Variants in WNT11 observed in about 807,000 individuals in gnomAD.
WNT11 encodes protein Wnt-11.
Under a neutral mutation model 35.6 loss-of-function variants are expected in WNT11, and 20 were observed. That is an observed-to-expected ratio of 0.56 (90% confidence interval 0.40 to 0.82). The LOEUF is 0.82. Among genes scored for constraint, WNT11 ranks in the 40% least tolerant of loss-of-function variants. WNT11 has a pLI of 0.00. For missense variants in WNT11, 459 were observed against 504.4 expected (o/e 0.91, Z 0.86); for synonymous variants, 200 against 211.9 (o/e 0.94, Z 0.49).
chr11:76,210,721 G>T, upstream of WNT11: 2 of 966,204 alleles, frequency 2.1e-6, no homozygotes, highest in Middle Eastern at 5.3e-4. Flanking sequence ...GCCTGTGCTC[G>T]CCGCTCGCCC....
chr11:76,201,483 C>T (rs117793339), intron 1 of WNT11, among the ~76,000 whole-genome samples: 1 of 152,262 alleles, frequency 6.6e-6, no homozygotes, highest in Non-Finnish European at 1.5e-5. Flanking sequence ...GGACATCTTG[C>T]TCGCTTCACT....
chr11:76,203,990 AGTCTCT>A (rs1434011898), intron 1 of WNT11, among the ~76,000 whole-genome samples: 2 of 152,158 alleles, frequency 1.3e-5, no homozygotes, highest in Non-Finnish European at 2.9e-5. Flanking sequence ...TGTGTGCCCC[AGTCTCT>A]GTTTCCTCTT....
Position 76,191,702 on chromosome 11 carries a change from G to A in WNT11, c.752C>T (p.Pro251Leu). 1 of 1,613,912 alleles carries A rather than the reference G, an allele frequency of 6.2e-7. No homozygotes were observed. Among genetic ancestry groups the A allele is most frequent in the South Asian group, 1.1e-5 (1 of 91,090 alleles). ...CACCAGGTGCTTGCGGGTGCCCATG[G>A]GTCGGTGCACTACCTTGGTGGCCGA... Reference protein sequence around the residue: ...YLSATKVVHRPMGTRKHLVPK... With the variant: ...YLSATKVVHRLMGTRKHLVPK... The change falls in exon 4 of 5, where the codon CCC becomes CTC. Residue 251 changes from proline (P) to leucine (L), a missense_variant. Physicochemically the swap from Pro to Leu is moderately conservative, Grantham distance 98. Coordinates refer to ENST00000322563, the MANE Select transcript of WNT11 (RefSeq NM_004626.3).
At chr11:76,210,653 G>T (rs1401561295), upstream of WNT11, 1 of 985,130 alleles carries the variant, frequency 1.0e-6, no homozygotes, top group Non-Finnish European at 1.2e-6. Context: ...GCCGGCTCAG[G>T]ACCCGCGCGG....
rs1248422807 is a variant in WNT11 at position 76,187,049 on chromosome 11, G to C, written c.*16C>G. On this transcript the variant is annotated 3_prime_UTR_variant, in exon 5 of 5. Transcript: ENST00000322563. ...GAGCAGAGTCCTCGCTCCTGCGTGG[G>C]GCGGAGGGCAGGGCCTCACTTGCAG... 6 of 1,607,750 alleles carry C rather than the reference G, an allele frequency of 3.7e-6. No homozygotes were observed. The highest frequency in any genetic ancestry group is 3.3e-4 in the Middle Eastern group (2 of 6,060).
chr11:76,210,126 C>G (rs924939538), upstream of WNT11, among the ~76,000 whole-genome samples: 3 of 151,638 alleles, frequency 2.0e-5, no homozygotes, highest in South Asian at 2.1e-4. Context: ...TGACCTCATC[C>G]GCCGAACGAC....
intron 1 of WNT11, among the ~76,000 whole-genome samples, chr11:76,200,617 C>T (rs942904556): frequency 1.5e-4 from 23 of 152,192 alleles, no homozygotes; most frequent in African/African-American, 4.6e-4. Context: ...GTCCAGCACC[C>T]GCCAGCAGGC....
chr11:76,198,737 T>A (rs1953327699), intron 1 of WNT11, among the ~76,000 whole-genome samples: 2 of 152,180 alleles, frequency 1.3e-5, no homozygotes, highest in Non-Finnish European at 2.9e-5. Context: ...CTGTTCTCAC[T>A]CCTGGCCTAG....
chr11:76,187,070 T>C lies in WNT11; in HGVS notation c.1060A>G (p.Lys354Glu). ...GTGGGGCGGAGGGCAGGGCCTCACT[T>C]GCAGACATAGCGCTCCACGGTACGC... ...CERTVERYVC[K>E] The change falls in exon 5 of 5, where the codon AAG (lysine) becomes GAG (glutamate). Residue 354 changes from lysine to glutamate, a missense_variant. Lys to Glu is a moderately conservative substitution (Grantham distance 56). Transcript: ENST00000322563. The C allele has an allele frequency of 6.2e-7, 1 of 1,610,350 alleles. No homozygotes were observed. Among genetic ancestry groups the C allele is most frequent in the Non-Finnish European group, 8.5e-7 (1 of 1,179,956 alleles).
In WNT11 at chr11:76,194,531, C is replaced by A. The variant is rs1330514491; in HGVS notation, c.597+36G>T. 4.1e-6 allele frequency: 6 copies of A among 1,447,492 alleles called. No individual in the cohort carries two copies. The highest frequency in any genetic ancestry group is 5.5e-6 in the Non-Finnish European group (6 of 1,085,200). 89.7% of individuals were successfully genotyped at this position (1,447,492 alleles called of 1,614,324 possible). ...GCCCTTTTCTGGCCAATGGCACAAG[C>A]ACAACTATCTGGGGGTGGGTGGGGT... On this transcript the variant is annotated intron_variant, in intron 3 of 4. Transcript: ENST00000322563. This position sits in a 1 kb window ranked among gnomAD's most constrained non-coding sequence, Gnocchi z 5.4.
chr11:76,199,670 G>A (rs2134591751), intron 1 of WNT11, among the ~76,000 whole-genome samples: 1 of 152,202 alleles, frequency 6.6e-6, no homozygotes, highest in African/African-American at 2.4e-5. Flanking sequence ...GGGCGTGGTG[G>A]TGCGCGCCTG....
intron 2 of WNT11, among the ~76,000 whole-genome samples, chr11:76,196,031 G>T (rs745421885): frequency 6.6e-6 from 1 of 152,128 alleles, no homozygotes; most frequent in African/African-American, 2.4e-5. Flanking sequence ...ACTGCTTTGC[G>T]CATGGTGCAA....
At chr11:76,190,577 T>C (rs1350754606) in intron 4 of WNT11, 1 of 152,172 alleles carries the variant, frequency 6.6e-6, no homozygotes, top group Non-Finnish European at 1.5e-5. Flanking sequence ...GCACCAACTA[T>C]GTGCCAGACA....
At chr11:76,187,653 T>G (rs924802203) in intron 4 of WNT11, among the ~76,000 whole-genome samples, 23 of 149,808 alleles carry the variant, frequency 1.5e-4, no homozygotes, top group Admixed American at 6.0e-4. Context: ...GTCCGGCTAA[T>G]TTTTTATTTT....
At chr11:76,202,076 C>T (rs1286500420) in intron 1 of WNT11, among the ~76,000 whole-genome samples, 1 of 152,156 alleles carries the variant, frequency 6.6e-6, no homozygotes, top group Non-Finnish European at 1.5e-5. Context: ...TTCTGCAGCT[C>T]GGCCGCCCAC....
chr11:76,187,308 C>T, intron 4 of WNT11, 69 bp from the exon 5 acceptor site: 1 of 1,441,886 alleles, frequency 6.9e-7, no homozygotes, highest in Non-Finnish European at 9.2e-7. Context: ...CCATGACTCC[C>T]AGCCAGGCAG....
rs1419765942 is a variant in WNT11 at position 76,206,402 on chromosome 11, C to G, written c.6G>C (p.Arg2Ser). The G allele has an allele frequency of 6.6e-7, 1 of 1,520,192 alleles. No homozygotes were observed. Among genetic ancestry groups the G allele is most frequent in the Admixed American group, 2.1e-5 (1 of 48,012 alleles). 94.2% of individuals were successfully genotyped at this position (1,520,192 alleles called of 1,614,324 possible). Reference protein sequence around the residue: MRARPQVCEALL... With the variant: MSARPQVCEALL... ...GCGCCTCGCAGACCTGCGGCCGCGC[C>G]CTCATCGTCGCGCGGCGGGCGCGCC... Residue 2 changes from arginine (R) to serine (S), a missense_variant, in exon 1 of 5, where the codon AGG becomes AGC. Physicochemically the swap from Arg to Ser is moderately radical, Grantham distance 110 (BLOSUM62 -1). Coordinates refer to ENST00000322563, the MANE Select transcript of WNT11 (RefSeq NM_004626.3).
intron 1 of WNT11, among the ~76,000 whole-genome samples, chr11:76,200,748 C>A (rs967414147): frequency 6.6e-6 from 1 of 152,240 alleles, no homozygotes; most frequent in African/African-American, 2.4e-5. Flanking sequence ...CCTGCTCTGC[C>A]GCTTGCCCTC....
At chr11:76,202,668 G>C (rs376143225) in intron 1 of WNT11, among the ~76,000 whole-genome samples, 1 of 152,154 alleles carries the variant, frequency 6.6e-6, no homozygotes, top group Non-Finnish European at 1.5e-5. Flanking sequence ...TAGGAACCTC[G>C]GAAGTGCCCC....
Sources: gnomAD v4.1 joint callset for allele counts (sites outside exome capture counted in the v4.1 genomes callset) on GRCh38, gnomAD v4.1.1 for gene constraint, Gnocchi (gnomAD v3.1) non-coding constraint, MANE v1.5 for transcripts, NCBI Gene and HGNC (gene_info 2026-07-23, HGNC 2026-07-21) for gene names.